The following MBNL3 variants were observed in gnomAD, a reference collection of about 807,000 sequenced individuals.
The protein encoded by MBNL3 is muscleblind like splicing regulator 3, also known as muscleblind-like protein 3.
A neutral mutation model predicts 24.5 loss-of-function variants in MBNL3; 6 were observed. The ratio of observed to expected loss-of-function variants is 0.25; its 90% CI spans 0.13 to 0.48. The LOEUF (loss-of-function observed/expected upper bound fraction) is 0.48, where lower values mean the gene tolerates loss of function less well. MBNL3 is among the 20% of genes least tolerant of loss of function. MBNL3 has a pLI of 0.99. For missense variants in MBNL3, 230 were observed against 293.5 expected (o/e 0.78, Z 1.58); for synonymous variants, 100 against 101.7 (o/e 0.98, Z 0.10).
At chrX:132,447,548 C>T (rs1230856953) in intron 1 of MBNL3, among the ~76,000 whole-genome samples, 2 of 111,726 alleles carry the variant, frequency 1.8e-5, no homozygotes, top group African/African-American at 6.5e-5. Context: ...TGATTTGCCT[C>T]TGTTTGTCTG....
chrX:132,395,245 G>C (rs1486561594), intron 3 of MBNL3, among the ~76,000 whole-genome samples: 1 of 111,500 alleles, frequency 9.0e-6, no homozygotes, highest in Non-Finnish European at 1.9e-5. Flanking sequence ...GTTAAGTCAA[G>C]CAGCCTGCAA....
intron 3 of MBNL3, among the ~76,000 whole-genome samples, chrX:132,393,410 C>G (rs1003821578): frequency 2.0e-4 from 22 of 109,086 alleles, no homozygotes; most frequent in Non-Finnish European, 4.0e-4. Flanking sequence ...AAAGCTATTA[C>G]TGCTTTTTCT....
At chrX:132,457,580 A>C (rs773337220) in intron 1 of MBNL3, among the ~76,000 whole-genome samples, 10 of 111,536 alleles carry the variant, frequency 9.0e-5, no homozygotes, top group African/African-American at 2.9e-4. Context: ...CATGTGATGT[A>C]GGTATCATCT....
In MBNL3 at chrX:132,406,292, G is replaced by A. The variant is rs1361580435; in HGVS notation, c.278C>T (p.Thr93Ile). The A allele has an allele frequency of 1.7e-5, 21 of 1,211,757 alleles. No individual in the cohort carries two copies. The highest frequency in any genetic ancestry group is 2.3e-5 in the Non-Finnish European group (21 of 895,367). ...NGRNNLIQQK[T>I]AAAMFAQQMQ... ...CTGCTGGGCGAACATGGCTGCGGCA[G>A]TCTTCTGTTGAATCAGATTGTTCCG... The change falls in exon 3 of 9, where the codon ACT becomes ATT. Residue 93 changes from threonine (T) to isoleucine (I), a missense_variant. Coordinates refer to ENST00000370853, the MANE Select transcript of MBNL3 (RefSeq NM_001386889.1).
chrX:132,456,511 G>A (rs1332241642), intron 1 of MBNL3, among the ~76,000 whole-genome samples: 1 of 111,865 alleles, frequency 8.9e-6, no homozygotes, highest in Non-Finnish European at 1.9e-5. Context: ...CTTATTCTGT[G>A]CCAGACACTG....
At chrX:132,407,290 G>A (rs1432449841) in intron 2 of MBNL3, among the ~76,000 whole-genome samples, 1 of 111,615 alleles carries the variant, frequency 9.0e-6, no homozygotes, top group Non-Finnish European at 1.9e-5. Flanking sequence ...GCATTGCAAC[G>A]GCTCTTTTTA....
chrX:132,384,729 A>G, intron 6 of MBNL3, 31 bp from the exon 7 acceptor site: 4 of 1,099,975 alleles, frequency 3.6e-6, no homozygotes, highest in Non-Finnish European at 4.9e-6. Context: ...CGTGGAAAGT[A>G]AAAGAGATAT....
rs867930763 is a variant in MBNL3 at position 132,396,749 on chromosome X, T to G, written c.343-4415A>C. ...TCATATATATATTCATATATATATA[T>G]ATTCATATATATATTCATATATACA... On this transcript the variant is annotated intron_variant, in intron 3 of 8. Transcript: ENST00000370853. Among the ~76,000 whole-genome samples the G allele has an allele frequency of 2.1e-3, 9 of 4,272 alleles. 3 individuals are homozygous for G. Among genetic ancestry groups the G allele is most frequent in the Non-Finnish European group, 1.7e-3 (3 of 1,765 alleles). 3.7% of individuals were successfully genotyped at this position (4,272 alleles called of 115,157 possible).
At chrX:132,448,169 A>G (rs776825999) in intron 1 of MBNL3, among the ~76,000 whole-genome samples, 1 of 111,196 alleles carries the variant, frequency 9.0e-6, no homozygotes, top group East Asian at 2.8e-4. Context: ...TTTACTGAGA[A>G]TATTAGTCCC....
At chrX:132,458,927 T>C (rs1387419988) in intron 1 of MBNL3, among the ~76,000 whole-genome samples, 1 of 107,852 alleles carries the variant, frequency 9.3e-6, no homozygotes, top group Non-Finnish European at 1.9e-5. Context: ...CCTTCATGGT[T>C]GAAATATCTT....
intron 2 of MBNL3, among the ~76,000 whole-genome samples, chrX:132,408,623 T>A (rs1942248555): frequency 8.9e-6 from 1 of 112,075 alleles, no homozygotes; most frequent in Admixed American, 9.4e-5. Flanking sequence ...AATATACAGA[T>A]AAAGAAGTGA....
intron 7 of MBNL3, among the ~76,000 whole-genome samples, chrX:132,384,112 G>T (rs991103771): frequency 9.8e-5 from 11 of 112,038 alleles, no homozygotes; most frequent in Non-Finnish European, 2.1e-4. Context: ...ATTTTGAAAT[G>T]ATTCTGTTGT....
At chrX:132,430,181 C>A (rs1944622982) in intron 2 of MBNL3, 2 of 110,361 alleles carry the variant, frequency 1.8e-5, no homozygotes, top group Non-Finnish European at 3.8e-5. Context: ...TATTTCTGAG[C>A]CTCAAAGGAC....
chrX:132,406,194 T>C, intron 3 of MBNL3, 34 bp downstream of exon 3: 1 of 1,207,741 alleles, frequency 8.3e-7, no homozygotes, highest in African/African-American at 1.7e-5. Context: ...TGTTGATCTT[T>C]ATCGGCAATT....
intron 2 of MBNL3, chrX:132,432,957 C>T (rs1944860389): frequency 9.0e-6 from 1 of 111,512 alleles, no homozygotes; most frequent in East Asian, 2.8e-4. Flanking sequence ...ACACTCGCAA[C>T]TAAAATTTAT....
intron 1 of MBNL3, among the ~76,000 whole-genome samples, chrX:132,474,589 C>T (rs776148944): frequency 1.8e-5 from 2 of 111,676 alleles, no homozygotes; most frequent in Non-Finnish European, 3.8e-5. Flanking sequence ...CTTGATCAGA[C>T]TGCACAATTA....
intron 1 of MBNL3, among the ~76,000 whole-genome samples, chrX:132,460,707 T>C (rs1465292534): frequency 8.9e-6 from 1 of 111,735 alleles, no homozygotes; most frequent in Non-Finnish European, 1.9e-5. Context: ...TTTAAATTAT[T>C]ATTACTTTTT....
Position 132,377,209 on chromosome X carries a change from A to C in MBNL3, c.*2457T>G, listed in dbSNP as rs1414896522. 2 of 111,894 alleles carry C rather than the reference A, an allele frequency of 1.8e-5. No homozygotes were observed. The highest frequency in any genetic ancestry group is 3.8e-5 in the Non-Finnish European group (2 of 53,069). The allele number at this position is 111,894 out of a possible 1,213,427, so 9.2% of individuals were successfully genotyped here. A position where few individuals can be genotyped will look rare whatever the true frequency, so the allele number is the denominator to read the frequency against. ...AGGTGCATCCCTCCTGGATTCATGT[A>C]ATCAGATCTGCCCTTCTGGAGAGGC... On this transcript the variant is annotated 3_prime_UTR_variant, in exon 9 of 9. Coordinates refer to ENST00000370853, the MANE Select transcript of MBNL3 (RefSeq NM_001386889.1).
chrX:132,436,063 T>C (rs755506814), intron 2 of MBNL3, among the ~76,000 whole-genome samples: 12 of 112,041 alleles, frequency 1.1e-4, no homozygotes, highest in African/African-American at 3.9e-4. Context: ...GAACATTCAC[T>C]AAAAATACCA....
Sources: gnomAD v4.1 joint callset for allele counts (sites outside exome capture counted in the v4.1 genomes callset) on GRCh38, gnomAD v4.1.1 for gene constraint, MANE v1.5 for transcripts, NCBI Gene and HGNC (gene_info 2026-07-23, HGNC 2026-07-21) for gene names.